Variants in FOXN1 observed in about 807,000 individuals in gnomAD.
FOXN1 encodes forkhead box protein N1.
In FOXN1, 15 loss-of-function variants were observed where a neutral mutation model predicts 49.0. The observed-to-expected ratio is 0.31, with a 90% CI of 0.20 to 0.47. FOXN1 has a LOEUF of 0.47. Ranked by LOEUF, FOXN1 falls within the 20% of genes least tolerant of loss-of-function variation. The probability of loss-of-function intolerance (pLI) is 1.00; values close to 1 mark genes in which losing one functional copy is unlikely to be tolerated. For missense variants in FOXN1, 800 were observed against 842.8 expected, an observed-to-expected ratio of 0.95 and a Z score of 0.63; for synonymous variants, 356 against 369.0, an observed-to-expected ratio of 0.96 and a Z score of 0.40.
At chr17:28,526,541 GC>G (rs948233454) in intron 3 of FOXN1, among the ~76,000 whole-genome samples, 23 of 152,232 alleles carry the variant, frequency 1.5e-4, no homozygotes, top group African/African-American at 5.5e-4. Flanking sequence ...ACATGGGAAG[GC>G]GGAGTCTGGC....
chr17:28,538,479 A>AC lies in FOXN1; in HGVS notation c.*1045dup, dbSNP rs2070126375. ...AAATTGAAACCACCGAAAGTCAAAAACCACTTTCGACTTACGATGTTTCCC... is the reference window on the plus strand; with the variant it reads ...AAATTGAAACCACCGAAAGTCAAAAACCCACTTTCGACTTACGATGTTTCCC... On this transcript the variant is annotated 3_prime_UTR_variant, in exon 9 of 9. Coordinates refer to ENST00000579795, the MANE Select transcript of FOXN1 (RefSeq NM_001369369.1). 6.6e-6 allele frequency: 1 copy of AC among 152,124 alleles called. No homozygotes were observed. Among genetic ancestry groups the AC allele is most frequent in the African/African-American group, 2.4e-5 (1 of 41,410 alleles). 9.4% of individuals were successfully genotyped at this position (152,124 alleles called of 1,614,324 possible).
intron 1 of FOXN1, among the ~76,000 whole-genome samples, chr17:28,523,305 G>A (rs538565834): frequency 1.3e-5 from 2 of 152,340 alleles, no homozygotes; most frequent in Admixed American, 6.5e-5. Flanking sequence ...TGGTGACATC[G>A]TCAGGGCCCG....
chr17:28,520,725 G>T (rs1156881419), intron 1 of FOXN1, among the ~76,000 whole-genome samples: 1 of 152,218 alleles, frequency 6.6e-6, no homozygotes, highest in Non-Finnish European at 1.5e-5. Context: ...GGGAACAGGT[G>T]CAAGAATGGG....
chr17:28,519,090 T>C (rs1420712104), intron 1 of FOXN1, among the ~76,000 whole-genome samples: 1 of 152,210 alleles, frequency 6.6e-6, no homozygotes, highest in Non-Finnish European at 1.5e-5. Flanking sequence ...TTGGCTCTCA[T>C]GAGCCCTTGC....
In FOXN1 at chr17:28,524,738, A is replaced by G; in HGVS notation, c.359A>G (p.His120Arg). 3.1e-6 allele frequency: 5 copies of G among 1,612,804 alleles called. No individual in the cohort carries two copies. The highest frequency in any genetic ancestry group is 4.2e-6 in the Non-Finnish European group (5 of 1,179,550). ...CCTGGGCGATTCCTCAAGGGCAGCC[A>G]CGCGCCCTTCCACCCGTACAAGCGG... The part of the protein sequence containing the change: ...SSPGRFLKGS[H>R]APFHPYKRPF... Residue 120 changes from histidine (H) to arginine (R), a missense_variant, in exon 3 of 9, where the codon CAC becomes CGC. By Grantham distance (29) the His-to-Arg change is conservative. Transcript: ENST00000579795.
chr17:28,537,357 T>C lies in FOXN1; in HGVS notation c.1868T>C (p.Leu623Pro). ...LTTLYSAFME[L>P]EPTPPTAPAG... is the part of the protein sequence containing the mutation. ...ACCCTCTACTCTGCCTTTATGGAGC[T>C]GGAGCCCACGCCCCCCACGGCCCCT... Residue 623 changes from leucine (L) to proline (P), a missense_variant, in exon 9 of 9, where the codon CTG (leucine) becomes CCG (proline). By Grantham distance (98) the Leu-to-Pro change is moderately conservative. Around this residue, in one of 3 missense-constraint regions of FOXN1, gnomAD observed 344 missense variants for 366.1 expected, o/e 0.94. Transcript: ENST00000579795. 1 of 1,613,040 alleles carries C rather than the reference T, an allele frequency of 6.2e-7. No individual in the cohort carries two copies. Among genetic ancestry groups the C allele is most frequent in the Non-Finnish European group, 8.5e-7 (1 of 1,179,440 alleles).
rs1342169300 is a variant in FOXN1, at chr17:28,538,388, C to G, written c.*952C>G. 1 of 152,208 alleles carries G rather than the reference C, an allele frequency of 6.6e-6. No individual in the cohort carries two copies. The highest frequency in any genetic ancestry group is 1.5e-5 in the Non-Finnish European group (1 of 68,052). 9.4% of individuals were successfully genotyped at this position (152,208 alleles called of 1,614,324 possible). ...ACACTTTTTCAACTTTAAGATGGTG[C>G]AAAAGCAATACACATTCAGTATGTT... is the stretch of plus-strand genomic sequence containing the variant. On this transcript the variant is annotated 3_prime_UTR_variant, in exon 9 of 9. Transcript: ENST00000579795.
intron 3 of FOXN1, among the ~76,000 whole-genome samples, chr17:28,526,304 T>C (rs1487607648): frequency 6.6e-6 from 1 of 152,250 alleles, no homozygotes; most frequent in Non-Finnish European, 1.5e-5. Context: ...TCTATGATTA[T>C]GGCAATCTCT....
At chr17:28,524,351 G>C in intron 2 of FOXN1, 152 bp from the exon 3 acceptor site, 1 of 436,680 alleles carries the variant, frequency 2.3e-6, no homozygotes, top group Non-Finnish European at 3.7e-6. Flanking sequence ...ATGAAATCGG[G>C]GCCAAGGGTA....
chr17:28,521,100 C>T (rs1052317985), intron 1 of FOXN1, among the ~76,000 whole-genome samples: 1 of 152,224 alleles, frequency 6.6e-6, no homozygotes, highest in African/African-American at 2.4e-5. Flanking sequence ...ACACCATCCT[C>T]ACGATGACCC....
chr17:28,525,769 C>T (rs527595571), intron 3 of FOXN1, among the ~76,000 whole-genome samples: 1 of 152,216 alleles, frequency 6.6e-6, no homozygotes, highest in Admixed American at 6.5e-5. Flanking sequence ...CCCAAGCCAC[C>T]CCAACAAAGG....
In FOXN1 at chr17:28,534,846, A is replaced by G. The variant is rs377636458; in HGVS notation, c.1275A>G (p.Ser425=). ...PPAGLSPPLH[S]LHPAPGPIPG... is the part of the protein sequence containing the mutation. ...CTGGCCTCTCCCCACCACTGCACTC[A>G]CTCCACCCAGCTCCAGGCCCCATTC... The change falls in exon 8 of 9, where the codon TCA becomes TCG. Residue 425 remains serine, a synonymous_variant. Transcript: ENST00000579795. The surrounding 1 kb of genome is among the most constrained non-coding windows in gnomAD (Gnocchi z 4.1). 17 of 1,612,682 alleles carry G rather than the reference A, an allele frequency of 1.1e-5. No individual in the cohort carries two copies. In the African/African-American group the frequency reaches 1.6e-4, roughly 15 times the overall value.
chr17:28,512,368 T>C (rs1486814695), intron 1 of FOXN1, among the ~76,000 whole-genome samples: 1 of 152,234 alleles, frequency 6.6e-6, no homozygotes, highest in Non-Finnish European at 1.5e-5. Context: ...AACAAGTTCC[T>C]CCTTCTCAAA....
chr17:28,534,776 C>T lies in FOXN1; in HGVS notation c.1205C>T (p.Pro402Leu), dbSNP rs776619811. 1 of 1,613,662 alleles carries T rather than the reference C, an allele frequency of 6.2e-7. No homozygotes were observed. Among genetic ancestry groups the T allele is most frequent in the Non-Finnish European group, 8.5e-7 (1 of 1,179,752 alleles). Residue 402 changes from proline (P) to leucine (L), a missense_variant, in exon 8 of 9, where the codon CCT (proline) becomes CTT (leucine). Pro to Leu is a moderately conservative substitution (Grantham distance 98). Coordinates refer to ENST00000579795, the MANE Select transcript of FOXN1 (RefSeq NM_001369369.1). The surrounding 1 kb of genome is among the most constrained non-coding windows in gnomAD (Gnocchi z 4.1). The stretch of plus-strand genomic sequence containing the variant: ...TCCCCACTCCTGGGCTGTCCGCCCC[C>T]TGGGCTGTCCGGCTCAGGCCCCATC... ...LGSPLLGCPP[P>L]GLSGSGPIRP...
intron 1 of FOXN1, among the ~76,000 whole-genome samples, chr17:28,519,086 C>T (rs2069587221): frequency 6.6e-6 from 1 of 152,198 alleles, no homozygotes; most frequent in Non-Finnish European, 1.5e-5. Context: ...ACAATTGGCT[C>T]TCATGAGCCC....
chr17:28,508,827 C>T (rs941265368), intron 1 of FOXN1, among the ~76,000 whole-genome samples: 1 of 152,190 alleles, frequency 6.6e-6, no homozygotes, highest in African/African-American at 2.4e-5. Context: ...GGTATGCCCT[C>T]CCCTCTGTCC....
At chr17:28,515,752 C>T (rs2069480869) in intron 1 of FOXN1, among the ~76,000 whole-genome samples, 1 of 151,822 alleles carries the variant, frequency 6.6e-6, no homozygotes, top group African/African-American at 2.4e-5. Context: ...TACACACTTT[C>T]ACAGGAGTAC....
At chr17:28,528,448 C>T (rs2069824725) in intron 4 of FOXN1, among the ~76,000 whole-genome samples, 1 of 124,688 alleles carries the variant, frequency 8.0e-6, no homozygotes, top group Admixed American at 8.6e-5. Flanking sequence ...AAGATGGCCA[C>T]ACCCAGGGCT....
At chr17:28,509,599 C>G (rs2069345452) in intron 1 of FOXN1, among the ~76,000 whole-genome samples, 1 of 152,234 alleles carries the variant, frequency 6.6e-6, no homozygotes, top group Non-Finnish European at 1.5e-5. Flanking sequence ...CAAGATCATC[C>G]CTGGAGCAGC....
Sources: gnomAD v4.1 joint callset for allele counts (sites outside exome capture counted in the v4.1 genomes callset) on GRCh38, gnomAD v4.1.1 for gene constraint, gnomAD v4.1.1 regional missense constraint, Gnocchi (gnomAD v3.1) non-coding constraint, MANE v1.5 for transcripts, NCBI Gene and HGNC (gene_info 2026-07-23, HGNC 2026-07-21) for gene names.